OTUD3: variants seen among roughly 807,000 people sequenced by gnomAD.
The protein encoded by OTUD3 is OTU domain-containing protein 3.
OTUD3 carries 24 observed loss-of-function variants against 46.2 expected under a neutral mutation model. That is an observed-to-expected ratio of 0.52 (90% CI 0.38 to 0.73). OTUD3 has a LOEUF of 0.73. Ranked by LOEUF, OTUD3 falls within the 30% of genes least tolerant of loss-of-function variation. The pLI is 0.00. For synonymous variants in OTUD3, 189 were observed against 195.4 expected (o/e 0.97, Z 0.27); for missense variants, 455 against 523.3 (o/e 0.87, Z 1.27).
chr1:19,886,231 A>G (rs1202245713), intron 1 of OTUD3, among the ~76,000 whole-genome samples: 2 of 152,350 alleles, frequency 1.3e-5, no homozygotes, highest in Non-Finnish European at 1.5e-5. Context: ...CAATATTAAC[A>G]TCCCTCTGAA....
At chr1:19,882,823 A>G (rs2100219295) in intron 1 of OTUD3, 89 bp downstream of exon 1, 1 of 1,172,088 alleles carries the variant, frequency 8.5e-7, no homozygotes, top group Non-Finnish European at 1.1e-6. Context: ...CCATCCATCC[A>G]TTCATTCGGG....
chr1:19,892,699 C>G (rs535796386), intron 2 of OTUD3, among the ~76,000 whole-genome samples: 1 of 152,126 alleles, frequency 6.6e-6, no homozygotes, highest in Non-Finnish European at 1.5e-5. Flanking sequence ...GCTACTACCC[C>G]GTAAAATCAG....
chr1:19,904,502 G>T, intron 5 of OTUD3, 104 bp downstream of exon 5: 1 of 944,124 alleles, frequency 1.1e-6, no homozygotes, highest in East Asian at 2.5e-5. Context: ...CACCTTGTGG[G>T]CCAAAATAGG....
rs770743553 is a variant in OTUD3, at chr1:19,897,518, T to C, written c.484-22T>C. 20 of 1,613,224 alleles carry C rather than the reference T, an allele frequency of 1.2e-5. No homozygotes were observed. The South Asian group carries it at 2.1e-4, about 17-fold the overall frequency. Reference sequence around the variant, plus strand: ...GATAGTGTTCAGATCCTCACTGGCATGGCCCCTTCTTTTGTCTACAGATTC... The same window carrying C: ...GATAGTGTTCAGATCCTCACTGGCACGGCCCCTTCTTTTGTCTACAGATTC... On this transcript the variant is annotated intron_variant, in intron 3 of 7. Transcript: ENST00000375120.
rs1243666250 is a variant in OTUD3, at chr1:19,910,174, C to T, written c.*2428C>T. On this transcript the variant is annotated 3_prime_UTR_variant, in exon 8 of 8. Transcript: ENST00000375120. ...TGTCTAGTCCTGGGATGACTGTTGT[C>T]AGCAGCTGTTACTCTAGTACAGGTG... The T allele has an allele frequency of 6.6e-6, 1 of 152,326 alleles. No individual in the cohort carries two copies. The highest frequency in any genetic ancestry group is 2.4e-5 in the African/African-American group (1 of 41,432). The allele number at this position is 152,326 out of a possible 1,614,324, so 9.4% of individuals were successfully genotyped here.
chr1:19,908,631 G>C lies in OTUD3; in HGVS notation c.*885G>C, dbSNP rs938424795. 4 of 152,326 alleles carry C rather than the reference G, an allele frequency of 2.6e-5. No homozygotes were observed. Among genetic ancestry groups the C allele is most frequent in the African/African-American group, 9.7e-5 (4 of 41,444 alleles). 9.4% of individuals were successfully genotyped at this position (152,326 alleles called of 1,614,324 possible). Reference sequence around the variant, plus strand: ...GCCTAAGAGGAGTCTAAAGAATTATGTTTTTATAGGAGAAGCCTGGAAGAA... The same window carrying C: ...GCCTAAGAGGAGTCTAAAGAATTATCTTTTTATAGGAGAAGCCTGGAAGAA... On this transcript the variant is annotated 3_prime_UTR_variant, in exon 8 of 8. Transcript: ENST00000375120.
chr1:19,907,675 A>G lies in OTUD3; in HGVS notation c.1126A>G (p.Asn376Asp). The G allele has an allele frequency of 1.9e-6, 3 of 1,614,244 alleles. No individual in the cohort carries two copies. Among genetic ancestry groups the G allele is most frequent in the South Asian group, 1.1e-5 (1 of 91,086 alleles). ...ALESRGSHRDNNRSEAEANTQ... is the reference protein window; with the variant it reads ...ALESRGSHRDDNRSEAEANTQ... Reference sequence around the variant, plus strand: ...GGAGAGCAGAGGTAGCCACAGGGACAATAACAGAAGCGAAGCAGAGGCGAA... The same window carrying G: ...GGAGAGCAGAGGTAGCCACAGGGACGATAACAGAAGCGAAGCAGAGGCGAA... Residue 376 changes from asparagine to aspartate, a missense_variant, in exon 8 of 8, where the codon AAT (asparagine) becomes GAT (aspartate). Physicochemically the swap from Asn to Asp is conservative, Grantham distance 23. Coordinates refer to ENST00000375120, the MANE Select transcript of OTUD3 (RefSeq NM_015207.2).
At chr1:19,897,107 G>T (rs2045527514) in intron 3 of OTUD3, among the ~76,000 whole-genome samples, 2 of 152,162 alleles carry the variant, frequency 1.3e-5, no homozygotes, top group Admixed American at 6.6e-5. Context: ...AGTTCTACCA[G>T]TTTTATATTT....
chr1:19,901,685 C>G (rs1351633454), intron 4 of OTUD3, among the ~76,000 whole-genome samples: 1 of 152,196 alleles, frequency 6.6e-6, no homozygotes, highest in Non-Finnish European at 1.5e-5. Context: ...TCCCAATTCC[C>G]CCTCTCCCCT....
chr1:19,901,558 T>C (rs762702981), intron 4 of OTUD3, among the ~76,000 whole-genome samples: 2 of 152,208 alleles, frequency 1.3e-5, no homozygotes, highest in African/African-American at 2.4e-5. Flanking sequence ...TTTAAAAATA[T>C]ATAGTCCAGT....
chr1:19,889,463 C>G (rs1042763972), intron 1 of OTUD3, among the ~76,000 whole-genome samples: 1 of 152,106 alleles, frequency 6.6e-6, no homozygotes, highest in South Asian at 2.1e-4. Context: ...ATTACAGTAT[C>G]ATAGTTTTTC....
intron 2 of OTUD3, among the ~76,000 whole-genome samples, chr1:19,893,478 CAT>C (rs1364538979): frequency 1.3e-5 from 2 of 152,172 alleles, no homozygotes; most frequent in African/African-American, 4.8e-5. Context: ...TGACAGTACA[CAT>C]AGAATATTGT....
At position 19,907,681 on chromosome 1, in the gene OTUD3, A is replaced by G. The variant is rs200725243; in HGVS notation, c.1132A>G (p.Arg378Gly). 6.2e-7 allele frequency: 1 copy of G among 1,614,240 alleles called. No homozygotes were observed. The highest frequency in any genetic ancestry group is 2.2e-5 in the East Asian group (1 of 44,880). Residue 378 changes from arginine (R) to glycine (G), a missense_variant, in exon 8 of 8, where the codon AGA (arginine) becomes GGA (glycine). Physicochemically the swap from Arg to Gly is moderately radical, Grantham distance 125 (BLOSUM62 -2). Coordinates refer to ENST00000375120, the MANE Select transcript of OTUD3 (RefSeq NM_015207.2). The stretch of plus-strand genomic sequence containing the variant: ...CAGAGGTAGCCACAGGGACAATAAC[A>G]GAAGCGAAGCAGAGGCGAACACGCA... ...ESRGSHRDNN[R>G]SEAEANTQVT...
intron 3 of OTUD3, among the ~76,000 whole-genome samples, chr1:19,895,245 C>T (rs543703831): frequency 1.3e-5 from 2 of 152,308 alleles, no homozygotes; most frequent in East Asian, 3.9e-4. Context: ...TTGTAAATTG[C>T]TCAGTCATAG....
chr1:19,889,772 G>T (rs977559530), intron 1 of OTUD3, among the ~76,000 whole-genome samples: 1 of 152,202 alleles, frequency 6.6e-6, no homozygotes, highest in Non-Finnish European at 1.5e-5. Context: ...AAGTGAGGAG[G>T]CAAGGAGGAA....
intron 1 of OTUD3, among the ~76,000 whole-genome samples, chr1:19,885,786 T>A (rs1326531231): frequency 6.6e-6 from 1 of 152,232 alleles, no homozygotes; most frequent in Non-Finnish European, 1.5e-5. Flanking sequence ...TATTAAGGAC[T>A]CAGGTGAAAT....
At chr1:19,899,278 C>T (rs2045557085) in intron 4 of OTUD3, among the ~76,000 whole-genome samples, 1 of 152,144 alleles carries the variant, frequency 6.6e-6, no homozygotes, top group African/African-American at 2.4e-5. Context: ...GTTTACATAC[C>T]AAGCAAATAT....
chr1:19,904,994 C>A lies in OTUD3; in HGVS notation c.835+7C>A. 1 of 1,331,870 alleles carries A rather than the reference C, an allele frequency of 7.5e-7. No individual in the cohort carries two copies. The allele number at this position is 1,331,870 out of a possible 1,614,324, so 82.5% of individuals were successfully genotyped here. Reference sequence around the variant, plus strand: ...AACCAAGGGAAGAGAAATAGTAAGTCCATGACTAATATTTATAGATCTTCA... The same window carrying A: ...AACCAAGGGAAGAGAAATAGTAAGTACATGACTAATATTTATAGATCTTCA... On this transcript the variant is annotated splice_region_variant and intron_variant, in intron 6 of 7. Coordinates refer to ENST00000375120, the MANE Select transcript of OTUD3 (RefSeq NM_015207.2).
intron 4 of OTUD3, among the ~76,000 whole-genome samples, chr1:19,898,799 T>C (rs912235849): frequency 2.6e-5 from 4 of 152,194 alleles, no homozygotes; most frequent in African/African-American, 9.7e-5. Context: ...TCCAAAACCA[T>C]TGTTTTTTAA....
Sources: gnomAD v4.1 joint callset for allele counts (sites outside exome capture counted in the v4.1 genomes callset) on GRCh38, gnomAD v4.1.1 for gene constraint, MANE v1.5 for transcripts, NCBI Gene and HGNC (gene_info 2026-07-23, HGNC 2026-07-21) for gene names.